TULP4: variants seen among roughly 807,000 people sequenced by gnomAD.
The protein encoded by TULP4 is TUB like protein 4.
A neutral mutation model predicts 129.0 loss-of-function variants in TULP4; 16 were observed. The observed-to-expected ratio is 0.12, with a 90% CI of 0.08 to 0.19. The LOEUF (loss-of-function observed/expected upper bound fraction) is 0.19, where lower values mean the gene tolerates loss of function less well. TULP4 is among the 10% of genes least tolerant of loss of function. TULP4 has a pLI of 1.00. For synonymous variants in TULP4, 998 were observed against 854.0 expected, an observed-to-expected ratio of 1.17 and a Z score of -2.94; for missense variants, 1,842 against 2,059.1, an observed-to-expected ratio of 0.89 and a Z score of 2.04.
intron 1 of TULP4, among the ~76,000 whole-genome samples, chr6:158,368,066 CAAAA>C (rs3085241): frequency 1.4e-3 from 91 of 65,018 alleles, no homozygotes; most frequent in Non-Finnish European, 2.4e-3. Context: ...ACCCTGTCTC[CAAAA>C]AAAAAAAAAA....
intron 1 of TULP4, among the ~76,000 whole-genome samples, chr6:158,260,194 G>C (rs1778325845): frequency 6.6e-6 from 1 of 152,112 alleles, no homozygotes; most frequent in South Asian, 2.1e-4. Flanking sequence ...CTCAGATGTG[G>C]TCAGAAGTGA....
At chr6:158,414,724 T>G (rs1778170085) in intron 2 of TULP4, among the ~76,000 whole-genome samples, 1 of 152,200 alleles carries the variant, frequency 6.6e-6, no homozygotes, top group Non-Finnish European at 1.5e-5. Flanking sequence ...AGTGATGAGG[T>G]GAGACATATC....
intron 6 of TULP4, among the ~76,000 whole-genome samples, chr6:158,475,540 A>G (rs543148182): frequency 6.6e-6 from 1 of 152,350 alleles, no homozygotes; most frequent in Admixed American, 6.5e-5. Context: ...AGCAGACAGC[A>G]GCTGTTCAAA....
At chr6:158,492,182 A>G (rs1391393016) in intron 9 of TULP4, among the ~76,000 whole-genome samples, 1 of 152,088 alleles carries the variant, frequency 6.6e-6, no homozygotes, top group Non-Finnish European at 1.5e-5. Flanking sequence ...CTAGATTTGA[A>G]TCCTTTGTCA....
intron 8 of TULP4, among the ~76,000 whole-genome samples, chr6:158,486,928 C>T (rs961770472): frequency 3.3e-5 from 5 of 151,950 alleles, no homozygotes; most frequent in East Asian, 1.9e-4. Flanking sequence ...CTGGGCAACA[C>T]GGTGAAACCC....
At chr6:158,336,439 G>C (rs949732002) in intron 1 of TULP4, among the ~76,000 whole-genome samples, 4 of 151,994 alleles carry the variant, frequency 2.6e-5, no homozygotes, top group Non-Finnish European at 2.9e-5. Flanking sequence ...TTTTTATCTA[G>C]TCAAATTTGT....
intron 3 of TULP4, among the ~76,000 whole-genome samples, chr6:158,433,193 C>T (rs994370240): frequency 3.9e-5 from 6 of 152,270 alleles, no homozygotes; most frequent in Admixed American, 2.0e-4. Flanking sequence ...CCACCTTACA[C>T]GCTGTCCCCA....
chr6:158,376,451 G>C (rs1170011661), intron 1 of TULP4, among the ~76,000 whole-genome samples: 3 of 151,390 alleles, frequency 2.0e-5, no homozygotes, highest in Middle Eastern at 6.8e-3. Flanking sequence ...GCATATGTCC[G>C]GGGGGAGAGA....
Position 158,509,386 on chromosome 6 carries a change from A to G in TULP4, c.*2692A>G, listed in dbSNP as rs943994589. On this transcript the variant is annotated 3_prime_UTR_variant, in exon 14 of 14. Coordinates refer to ENST00000367097, the MANE Select transcript of TULP4 (RefSeq NM_020245.5). ...ATCTGAAAATAACAGTTGATCTGAAATAAAAAGGGGAGACCTATTAGAATG... is the reference window on the plus strand; with the variant it reads ...ATCTGAAAATAACAGTTGATCTGAAGTAAAAAGGGGAGACCTATTAGAATG... 1.3e-5 allele frequency: 2 copies of G among 152,148 alleles called. No individual in the cohort carries two copies. Among genetic ancestry groups the G allele is most frequent in the African/African-American group, 4.8e-5 (2 of 41,432 alleles). The allele number at this position is 152,148 out of a possible 1,614,324, so 9.4% of individuals were successfully genotyped here.
At chr6:158,289,473 G>A (rs1024518929) in intron 1 of TULP4, among the ~76,000 whole-genome samples, 3 of 151,830 alleles carry the variant, frequency 2.0e-5, no homozygotes, top group African/African-American at 7.2e-5. Flanking sequence ...ACTTCTTTAA[G>A]TTGAATGTTT....
Position 158,498,805 on chromosome 6 carries a change from T to G in TULP4, c.2007T>G (p.Asp669Glu), listed in dbSNP as rs760431465. The change falls in exon 12 of 14, where the codon GAT becomes GAG. Residue 669 changes from aspartate (D) to glutamate (E), a missense_variant. Coordinates refer to ENST00000367097, the MANE Select transcript of TULP4 (RefSeq NM_020245.5). Reference sequence around the variant, plus strand: ...ATGTTTTCAGTGAAGATGAAGATGATTTACCAGGTGTGTTCACATACATCA... The same window carrying G: ...ATGTTTTCAGTGAAGATGAAGATGAGTTACCAGGTGTGTTCACATACATCA... ...NPNVFSEDEDDLPVTGASGVP... is the reference protein window; with the variant it reads ...NPNVFSEDEDELPVTGASGVP... The G allele has an allele frequency of 6.2e-7, 1 of 1,614,200 alleles. No individual in the cohort carries two copies. The highest frequency in any genetic ancestry group is 2.2e-5 in the East Asian group (1 of 44,890).
chr6:158,478,657 C>G (rs1779872384), intron 6 of TULP4, among the ~76,000 whole-genome samples: 1 of 152,200 alleles, frequency 6.6e-6, no homozygotes, highest in Non-Finnish European at 1.5e-5. Context: ...CTGCAACTGC[C>G]TGGCCTCCTG....
chr6:158,330,709 C>G (rs1327609778), intron 1 of TULP4, among the ~76,000 whole-genome samples: 1 of 152,266 alleles, frequency 6.6e-6, no homozygotes, highest in Middle Eastern at 3.4e-3. Flanking sequence ...ATGAACTATC[C>G]TCTGTAGTTT....
chr6:158,424,604 A>G (rs1349207379), intron 2 of TULP4, among the ~76,000 whole-genome samples: 1 of 152,208 alleles, frequency 6.6e-6, no homozygotes, highest in East Asian at 1.9e-4. Flanking sequence ...AATACAATGT[A>G]AATGCTAAAT....
chr6:158,302,275 G>A (rs555469630), intron 1 of TULP4, among the ~76,000 whole-genome samples: 4 of 152,240 alleles, frequency 2.6e-5, no homozygotes, highest in African/African-American at 9.6e-5. Flanking sequence ...TTGATAGATG[G>A]TACAGTAAAA....
At chr6:158,459,714 T>A (rs902182906) in intron 5 of TULP4, among the ~76,000 whole-genome samples, 3 of 152,194 alleles carry the variant, frequency 2.0e-5, no homozygotes, top group African/African-American at 7.2e-5. Flanking sequence ...TTTCATGTCG[T>A]CATCTTTATT....
chr6:158,375,508 CAGA>C (rs1196271041), intron 1 of TULP4, among the ~76,000 whole-genome samples: 2 of 152,060 alleles, frequency 1.3e-5, no homozygotes, highest in Admixed American at 1.3e-4. Flanking sequence ...GTGCAAGGTG[CAGA>C]AGAACAGGAG....
chr6:158,452,682 C>T (rs1303332152), intron 5 of TULP4, among the ~76,000 whole-genome samples: 8 of 152,316 alleles, frequency 5.3e-5, no homozygotes, highest in African/African-American at 1.9e-4. Context: ...ATCTGACAGT[C>T]TTATTAAGGA....
chr6:158,267,199 C>T (rs534228713), intron 1 of TULP4, among the ~76,000 whole-genome samples: 7 of 152,258 alleles, frequency 4.6e-5, no homozygotes, highest in African/African-American at 1.7e-4. Context: ...TTTTGTTAAC[C>T]CATTCATCTG....
Sources: allele counts gnomAD v4.1 joint callset (sites outside exome capture counted in the v4.1 genomes callset), GRCh38; gene constraint gnomAD v4.1.1; transcripts MANE v1.5; gene names NCBI Gene and HGNC (gene_info 2026-07-23, HGNC 2026-07-21).